Variants in NRG1 observed in about 807,000 individuals in gnomAD.
The protein encoded by NRG1 is neuregulin 1, also known as pro-neuregulin-1, membrane-bound isoform.
NRG1 carries 18 observed loss-of-function variants against 63.8 expected under a neutral mutation model. The ratio of observed to expected loss-of-function variants is 0.28; its 90% CI spans 0.19 to 0.42. The LOEUF (loss-of-function observed/expected upper bound fraction) is 0.42. NRG1 is among the 10% of genes least tolerant of loss of function. The pLI is 1.00. For missense variants in NRG1, 762 were observed against 814.7 expected, an observed-to-expected ratio of 0.94 and a Z score of 0.79; for synonymous variants, 302 against 301.3, an observed-to-expected ratio of 1.00 and a Z score of -0.02.
chr8:32,256,882 C>T (rs1487542385), intron 1 of NRG1, among the ~76,000 whole-genome samples: 3 of 152,184 alleles, frequency 2.0e-5, no homozygotes, highest in Admixed American at 2.0e-4. Context: ...AAGCTGCACC[C>T]CCAGCTGCCC....
intron 1 of NRG1, among the ~76,000 whole-genome samples, chr8:32,218,408 C>T (rs576732655): frequency 2.6e-5 from 4 of 152,306 alleles, no homozygotes; most frequent in Admixed American, 2.0e-4. Flanking sequence ...CGTGGCATCA[C>T]GGGGGTGCTC....
intron 1 of NRG1, among the ~76,000 whole-genome samples, chr8:32,202,296 C>G (rs1260956185): frequency 1.3e-5 from 2 of 152,164 alleles, no homozygotes; most frequent in Non-Finnish European, 1.5e-5. Flanking sequence ...GGAGAGTTCC[C>G]TGACTCCCTT....
At chr8:32,737,320 C>T (rs549586079) in intron 6 of NRG1, among the ~76,000 whole-genome samples, 8 of 152,016 alleles carry the variant, frequency 5.3e-5, no homozygotes, top group Non-Finnish European at 8.8e-5. Context: ...GAGGCCAAGG[C>T]GGGTGGATCA....
chr8:32,543,956 A>T (rs1832809938), upstream of NRG1, among the ~76,000 whole-genome samples: 1 of 152,192 alleles, frequency 6.6e-6, no homozygotes, highest in African/African-American at 2.4e-5. Flanking sequence ...AACTGAACAC[A>T]CAGGACAATC....
chr8:32,568,492 AC>A (rs1369731045), intron 1 of NRG1, among the ~76,000 whole-genome samples: 1 of 152,210 alleles, frequency 6.6e-6, no homozygotes, highest in African/African-American at 2.4e-5. Context: ...ATATCCAAGT[AC>A]TTCAAATGAT....
Position 31,640,450 on chromosome 8 carries a change from G to T in NRG1, c.37+1019G>T. 6.4e-7 allele frequency: 1 copy of T among 1,554,862 alleles called. No homozygotes were observed. Among genetic ancestry groups the T allele is most frequent in the Non-Finnish European group, 8.7e-7 (1 of 1,152,140 alleles). ...GGTGCCCAGCGCCGGCGAGCCCGGG[G>T]AGGAGGCGCCCTATCTGGTGAAGGT... On this transcript the variant is annotated intron_variant, in intron 1 of 10. Transcript: ENST00000519301. This position sits in a 1 kb window ranked among gnomAD's most constrained non-coding sequence, Gnocchi z 6.3.
intron 1 of NRG1, among the ~76,000 whole-genome samples, chr8:32,293,941 C>T (rs1030933273): frequency 6.6e-6 from 1 of 152,034 alleles, no homozygotes; most frequent in African/African-American, 2.4e-5. Context: ...TGGTCTTGAA[C>T]TCCTTACCTC....
intron 1 of NRG1, among the ~76,000 whole-genome samples, chr8:31,750,213 C>T (rs926981206): frequency 6.6e-6 from 1 of 151,878 alleles, no homozygotes; most frequent in African/African-American, 2.4e-5. Context: ...GAGCCATTTT[C>T]CTAATCCAAT....
chr8:31,837,621 C>T (rs1379770471), intron 1 of NRG1, among the ~76,000 whole-genome samples: 7 of 152,110 alleles, frequency 4.6e-5, no homozygotes, highest in African/African-American at 1.7e-4. Context: ...TGACCAACCT[C>T]TTCCCATCTC....
chr8:32,665,472 G>A (rs955082092), intron 5 of NRG1, among the ~76,000 whole-genome samples: 1 of 152,236 alleles, frequency 6.6e-6, no homozygotes, highest in East Asian at 1.9e-4. Context: ...TTCAAAATAT[G>A]AATTCTGATG....
At chr8:31,892,923 G>A (rs1831265916) in intron 1 of NRG1, among the ~76,000 whole-genome samples, 1 of 151,908 alleles carries the variant, frequency 6.6e-6, no homozygotes, top group African/African-American at 2.4e-5. Context: ...TGAAATAAAT[G>A]TATAAAACAG....
chr8:32,245,157 CAA>C (rs1351689830), intron 1 of NRG1, among the ~76,000 whole-genome samples: 1 of 152,094 alleles, frequency 6.6e-6, no homozygotes, highest in African/African-American at 2.4e-5. Context: ...GTGAGTTCTT[CAA>C]AGTTTGAATC....
chr8:32,480,181 C>T (rs145481959), intron 1 of NRG1, among the ~76,000 whole-genome samples: 1 of 152,080 alleles, frequency 6.6e-6, no homozygotes, highest in East Asian at 1.9e-4. Context: ...TCCCAGCCTA[C>T]GAGGTGACAA....
intron 1 of NRG1, among the ~76,000 whole-genome samples, chr8:31,660,004 AG>A: frequency 6.6e-6 from 1 of 152,292 alleles, no homozygotes; most frequent in Admixed American, 6.5e-5. Context: ...ACTGTCTCAG[AG>A]GGGTTACGGA....
chr8:32,141,408 C>T (rs11777708), intron 1 of NRG1, among the ~76,000 whole-genome samples: 11,907 of 151,608 alleles, frequency 0.079, 665 homozygotes, highest in Middle Eastern at 0.15. Context: ...CTTATAGAGA[C>T]ATAAGCCATG....
chr8:32,645,014 G>A (rs1385722630), intron 5 of NRG1, among the ~76,000 whole-genome samples: 1 of 152,054 alleles, frequency 6.6e-6, no homozygotes, highest in African/African-American at 2.4e-5. Flanking sequence ...GGTGTATTGA[G>A]TATAATAGTT....
chr8:32,232,651 C>T (rs1019911332), intron 1 of NRG1, among the ~76,000 whole-genome samples: 1 of 152,098 alleles, frequency 6.6e-6, no homozygotes, highest in Non-Finnish European at 1.5e-5. Context: ...TTTTTGCTGT[C>T]CCTGGTCATG....
chr8:31,823,361 C>T (rs1020429881), intron 1 of NRG1, among the ~76,000 whole-genome samples: 20 of 152,040 alleles, frequency 1.3e-4, no homozygotes, highest in African/African-American at 4.8e-4. Context: ...GGGTGTCCCA[C>T]TCAAGTCATT....
intron 1 of NRG1, among the ~76,000 whole-genome samples, chr8:32,074,179 G>T (rs775768423): frequency 1.7e-4 from 26 of 152,118 alleles, no homozygotes; most frequent in Non-Finnish European, 3.2e-4. Flanking sequence ...GGCTTCTGGG[G>T]ATATCAATAT....
Sources: gnomAD v4.1 joint callset for allele counts (sites outside exome capture counted in the v4.1 genomes callset) on GRCh38, gnomAD v4.1.1 for gene constraint, Gnocchi (gnomAD v3.1) non-coding constraint, MANE v1.5 for transcripts, NCBI Gene and HGNC (gene_info 2026-07-23, HGNC 2026-07-21) for gene names.